Variants in CDH18 observed in about 807,000 individuals in gnomAD.
CDH18 encodes cadherin-18.
CDH18 carries 31 observed loss-of-function variants against 67.9 expected under a neutral mutation model. The ratio of observed to expected loss-of-function variants is 0.46; its 90% CI spans 0.34 to 0.62. The LOEUF is 0.62. CDH18 is among the 20% of genes least tolerant of loss of function. CDH18 has a pLI of 0.01. For missense variants in CDH18, 890 were observed against 975.5 expected (o/e 0.91, Z 1.17); for synonymous variants, 362 against 347.2 (o/e 1.04, Z -0.48).
At chr5:20,069,081 T>A (rs979791892) in intron 2 of CDH18, among the ~76,000 whole-genome samples, 1 of 152,146 alleles carries the variant, frequency 6.6e-6, no homozygotes, top group Non-Finnish European at 1.5e-5. Context: ...CCAGTCACAT[T>A]ATTGTTCAGC....
chr5:20,286,841 C>T (rs926823468), intron 1 of CDH18, among the ~76,000 whole-genome samples: 1 of 151,762 alleles, frequency 6.6e-6, no homozygotes, highest in African/African-American at 2.4e-5. Context: ...ACTGCAAGAG[C>T]TTTGCACTGA....
intron 2 of CDH18, among the ~76,000 whole-genome samples, chr5:20,073,737 G>C (rs1743689148): frequency 6.6e-6 from 1 of 151,502 alleles, no homozygotes; most frequent in Admixed American, 6.6e-5. Flanking sequence ...AAAAAATGAA[G>C]GGCAACAAGG....
rs144360915 is a variant in CDH18, at chr5:20,572,009, C to T, written c.-580+3453G>A. On this transcript the variant is annotated intron_variant, in intron 1 of 14. Coordinates refer to the CDH18 transcript ENST00000507958. Reference sequence around the variant, plus strand: ...TTTTTCCATTTATTAAGAAAGTCTACGGTGCAATTCAATATACATGGCTTT... The same window carrying T: ...TTTTTCCATTTATTAAGAAAGTCTATGGTGCAATTCAATATACATGGCTTT... Among the ~76,000 whole-genome samples the T allele has an allele frequency of 8.3e-3, 1,255 of 152,062 alleles. 14 individuals carry two copies. The highest frequency in any genetic ancestry group is 0.029 in the African/African-American group (1,187 of 41,476).
chr5:19,698,620 A>C (rs1390399684), intron 5 of CDH18, among the ~76,000 whole-genome samples: 1 of 152,044 alleles, frequency 6.6e-6, no homozygotes, highest in East Asian at 2.0e-4. Context: ...TCAATGTAAT[A>C]AAAAATATAA....
intron 9 of CDH18, among the ~76,000 whole-genome samples, chr5:19,533,398 CA>C (rs146255537): frequency 0.05 from 7,659 of 152,122 alleles, 302 homozygotes; most frequent in African/African-American, 0.093. Flanking sequence ...GGATTTAAAA[CA>C]GCATGGAAGA....
chr5:19,593,743 T>TCTTCTTCTTCTTCTTCTC (rs1745702221), intron 6 of CDH18, among the ~76,000 whole-genome samples: 1 of 145,954 alleles, frequency 6.9e-6, no homozygotes, highest in African/African-American at 2.6e-5. Flanking sequence ...TTCTTCTTCT[T>TCTTCTTCTTCTTCTTCTC]CTTCTTCTTC....
At chr5:19,640,060 C>G (rs62351290) in intron 5 of CDH18, among the ~76,000 whole-genome samples, 1 of 152,062 alleles carries the variant, frequency 6.6e-6, no homozygotes, top group Non-Finnish European at 1.5e-5. Flanking sequence ...CTCTTTGAGA[C>G]AAACAGAAAT....
chr5:19,543,361 T>C (rs2127077516), intron 9 of CDH18, among the ~76,000 whole-genome samples: 1 of 152,276 alleles, frequency 6.6e-6, no homozygotes, highest in Middle Eastern at 3.4e-3. Flanking sequence ...ATCACGTATG[T>C]TACTTGAAGA....
intron 1 of CDH18, among the ~76,000 whole-genome samples, chr5:20,574,977 T>C (rs569288874): frequency 6.6e-6 from 1 of 150,656 alleles, no homozygotes; most frequent in Non-Finnish European, 1.5e-5. Context: ...TAAAGACAGA[T>C]TTAGAAAAAA....
intron 1 of CDH18, among the ~76,000 whole-genome samples, chr5:20,471,319 C>A (rs375395860): frequency 6.6e-6 from 1 of 152,238 alleles, no homozygotes; most frequent in East Asian, 1.9e-4. Flanking sequence ...ACCATCATAA[C>A]CTCATCGGAG....
At chr5:20,325,568 C>A (rs781568685) in intron 1 of CDH18, among the ~76,000 whole-genome samples, 2 of 152,166 alleles carry the variant, frequency 1.3e-5, no homozygotes, top group Admixed American at 6.5e-5. Flanking sequence ...TCTTAGGGAT[C>A]TTTTCACTAT....
At chr5:19,643,035 C>T (rs1417557585) in intron 5 of CDH18, among the ~76,000 whole-genome samples, 1 of 151,944 alleles carries the variant, frequency 6.6e-6, no homozygotes, top group East Asian at 1.9e-4. Context: ...TAAAGATTTG[C>T]AGACATTTCT....
At chr5:20,493,844 AAG>A (rs1753737740) in intron 1 of CDH18, among the ~76,000 whole-genome samples, 1 of 152,076 alleles carries the variant, frequency 6.6e-6, no homozygotes, top group African/African-American at 2.4e-5. Flanking sequence ...GTTATAGGTC[AAG>A]CTTCTGGTGT....
At chr5:19,733,070 C>T (rs1291773489) in intron 4 of CDH18, among the ~76,000 whole-genome samples, 1 of 152,022 alleles carries the variant, frequency 6.6e-6, no homozygotes, top group Non-Finnish European at 1.5e-5. Flanking sequence ...GTTAGATGCA[C>T]CTCTTCAGAG....
chr5:19,590,083 C>A (rs1318655129), intron 7 of CDH18, among the ~76,000 whole-genome samples: 2 of 152,086 alleles, frequency 1.3e-5, no homozygotes, highest in Admixed American at 6.6e-5. Flanking sequence ...CTGAGTCTGC[C>A]TTTGCTCCAG....
intron 5 of CDH18, among the ~76,000 whole-genome samples, chr5:19,651,745 A>T (rs1755613827): frequency 6.6e-6 from 1 of 152,136 alleles, no homozygotes; most frequent in Non-Finnish European, 1.5e-5. Flanking sequence ...AATGTCTATG[A>T]TAAGCAGGTA....
At chr5:20,440,527 G>A (rs1322468248) in intron 1 of CDH18, among the ~76,000 whole-genome samples, 1 of 151,912 alleles carries the variant, frequency 6.6e-6, no homozygotes, top group Non-Finnish European at 1.5e-5. Flanking sequence ...GAAATAATGA[G>A]ATCTATAACC....
chr5:20,372,240 G>C (rs947954931), intron 1 of CDH18, among the ~76,000 whole-genome samples: 6 of 152,082 alleles, frequency 3.9e-5, no homozygotes, highest in Admixed American at 3.3e-4. Context: ...TATTTTAGTT[G>C]TACATATTTT....
chr5:20,140,189 A>C (rs1340926269), intron 2 of CDH18, among the ~76,000 whole-genome samples: 1 of 152,154 alleles, frequency 6.6e-6, no homozygotes, highest in African/African-American at 2.4e-5. Flanking sequence ...GAAGCTGGAA[A>C]CCATCATTCT....
Sources: allele counts gnomAD v4.1 joint callset (sites outside exome capture counted in the v4.1 genomes callset), GRCh38; gene constraint gnomAD v4.1.1; transcripts MANE v1.5; gene names NCBI Gene and HGNC (gene_info 2026-07-23, HGNC 2026-07-21).